The following TXLNB variants were observed in gnomAD, a reference collection of about 807,000 sequenced individuals.
TXLNB encodes the protein beta-taxilin.
Under a neutral mutation model 57.4 loss-of-function variants are expected in TXLNB, and 37 were observed. That is an observed-to-expected ratio of 0.64 (90% CI 0.50 to 0.85). The LOEUF is 0.85. TXLNB is among the 40% of genes least tolerant of loss of function. TXLNB has a pLI of 0.00. For missense variants in TXLNB, 848 were observed against 825.6 expected (o/e 1.03, Z -0.33); for synonymous variants, 302 against 309.6 (o/e 0.98, Z 0.26).
chr6:139,171,060 G>A, the TXLNB span, among the ~76,000 whole-genome samples: 53 of 152,240 alleles, frequency 3.5e-4, no homozygotes, highest in African/African-American at 1.2e-3. Flanking sequence ...CTGGTTTTGC[G>A]GGCAGAAGAT....
chr6:139,166,994 G>A, the TXLNB span: 1 of 1,614,222 alleles, frequency 6.2e-7, no homozygotes, highest in South Asian at 1.1e-5. Flanking sequence ...CAGCCCTGCG[G>A]GGTTGGCAGT....
At chr6:139,320,312 C>T in the TXLNB span, among the ~76,000 whole-genome samples, 1 of 152,146 alleles carries the variant, frequency 6.6e-6, no homozygotes, top group Non-Finnish European at 1.5e-5. Flanking sequence ...GAGCACTAAT[C>T]TATTCTTCCT....
At position 139,260,345 on chromosome 6, in the gene TXLNB, C is replaced by T; in HGVS notation, c.975G>A (p.Glu325=). The T allele has an allele frequency of 6.2e-7, 1 of 1,614,132 alleles. No homozygotes were observed. Residue 325 remains glutamate (E), a synonymous_variant, in exon 6 of 10, where the codon GAG becomes GAA. Transcript: ENST00000358430. The part of the protein sequence containing the change: ...EQAQEMMKEA[E]ERHKREKEYL... Reference sequence around the variant, plus strand: ...ATTCCTTTTCTCGTTTGTGTCGCTCCTCCGCTTCCTTCATCATTTCTTGGG... The same window carrying T: ...ATTCCTTTTCTCGTTTGTGTCGCTCTTCCGCTTCCTTCATCATTTCTTGGG...
downstream of TXLNB, among the ~76,000 whole-genome samples, chr6:139,235,759 C>A (rs1306692762): frequency 6.6e-6 from 1 of 152,090 alleles, no homozygotes; most frequent in Non-Finnish European, 1.5e-5. Context: ...CCAAATGCTG[C>A]ATTTTCCAAG....
At chr6:139,298,711 C>T in the TXLNB span, among the ~76,000 whole-genome samples, 1 of 152,098 alleles carries the variant, frequency 6.6e-6, no homozygotes, top group Admixed American at 6.6e-5. Flanking sequence ...AGTGATTGGT[C>T]CTGATTAAAG....
the TXLNB span, among the ~76,000 whole-genome samples, chr6:139,160,738 T>C: frequency 6.6e-6 from 1 of 152,218 alleles, no homozygotes; most frequent in Non-Finnish European, 1.5e-5. Context: ...TCTAAACACC[T>C]GTATGGCATG....
At chr6:139,295,994 G>A (rs2114665792), upstream of TXLNB, among the ~76,000 whole-genome samples, 1 of 151,992 alleles carries the variant, frequency 6.6e-6, no homozygotes, top group Non-Finnish European at 1.5e-5. Flanking sequence ...GTACTTTTTT[G>A]GAGATATGAT....
chr6:139,291,253 A>G (rs1233191174), intron 1 of TXLNB, among the ~76,000 whole-genome samples: 1 of 152,224 alleles, frequency 6.6e-6, no homozygotes, highest in Non-Finnish European at 1.5e-5. Context: ...TTTTCAGTCA[A>G]ATTGAAAACA....
chr6:139,260,395 G>C lies in TXLNB; in HGVS notation c.925C>G (p.Leu309Val). 1 of 1,614,056 alleles carries C rather than the reference G, an allele frequency of 6.2e-7. No homozygotes were observed. Among genetic ancestry groups the C allele is most frequent in the East Asian group, 2.2e-5 (1 of 44,882 alleles). Reference protein sequence around the residue: ...IFKHRELQQKLVDAKLEQAQE... With the variant: ...IFKHRELQQKVVDAKLEQAQE... The stretch of plus-strand genomic sequence containing the variant: ...GCCTGCTCAAGCTTTGCATCCACCA[G>C]CTTCTGCTGCAGTTCTCTGTGTTTA... The change falls in exon 6 of 10, where the codon CTG becomes GTG. Residue 309 changes from leucine (L) to valine (V), a missense_variant. By Grantham distance (32) the Leu-to-Val change is conservative. Transcript: ENST00000358430.
chr6:139,184,607 C>G, the TXLNB span, among the ~76,000 whole-genome samples: 1 of 82,240 alleles, frequency 1.2e-5, no homozygotes, highest in Non-Finnish European at 2.4e-5. Flanking sequence ...GTCTACACCA[C>G]GAATTCATCA....
the TXLNB span, among the ~76,000 whole-genome samples, chr6:139,319,497 T>C: frequency 6.6e-6 from 1 of 151,818 alleles, no homozygotes; most frequent in Non-Finnish European, 1.5e-5. Flanking sequence ...AGGAGCAATA[T>C]AAGGCTAGCT....
rs533103418 is a variant in TXLNB at position 139,257,468 on chromosome 6, A to G, written c.1003-1830T>C. Among the ~76,000 whole-genome samples, 5 of 152,338 alleles carry G rather than the reference A, an allele frequency of 3.3e-5. No homozygotes were observed. The South Asian group carries it at 1.0e-3, about 32-fold the overall frequency. ...CAAAAGCAAGTGCAATTGGAAAGAA[A>G]AGGTTTGTGCAAAGAGCTGATTCTT... On this transcript the variant is annotated intron_variant, in intron 6 of 9. Coordinates refer to ENST00000358430, the MANE Select transcript of TXLNB (RefSeq NM_153235.4).
intron 2 of TXLNB, among the ~76,000 whole-genome samples, chr6:139,284,545 A>C (rs1407134832): frequency 1.4e-5 from 2 of 145,234 alleles, no homozygotes; most frequent in Non-Finnish European, 3.1e-5. Flanking sequence ...AAAGTAAATA[A>C]ATAAAAATAA....
At chr6:139,212,688 T>A in the TXLNB span, among the ~76,000 whole-genome samples, 1 of 152,138 alleles carries the variant, frequency 6.6e-6, no homozygotes, top group Non-Finnish European at 1.5e-5. Flanking sequence ...ACTGGCAAAT[T>A]GGATAAAGAG....
At chr6:139,290,805 G>A (rs1158898982) in intron 1 of TXLNB, among the ~76,000 whole-genome samples, 2 of 152,180 alleles carry the variant, frequency 1.3e-5, no homozygotes, top group Non-Finnish European at 2.9e-5. Flanking sequence ...CACAGGTTTT[G>A]CTGTTGTGGT....
intron 5 of TXLNB, 41 bp downstream of exon 5, chr6:139,262,538 G>A (rs754577719): frequency 1.1e-5 from 17 of 1,494,612 alleles, no homozygotes; most frequent in Admixed American, 4.2e-5. Context: ...TCCCAGATCC[G>A]GATCTATGTA....
intron 5 of TXLNB, among the ~76,000 whole-genome samples, chr6:139,260,847 CT>C (rs1277364940): frequency 6.6e-6 from 1 of 152,198 alleles, no homozygotes; most frequent in Non-Finnish European, 1.5e-5. Context: ...TATAAAACCA[CT>C]TTTAATTGCA....
rs1775956462 is a variant in TXLNB at position 139,242,464 on chromosome 6, G to A, written c.*62C>T. ...CTAGCCCTTAATGCCTTTTTCGGAAGACAAGCTGTTATGCTGAATATGCAA... is the reference window on the plus strand; with the variant it reads ...CTAGCCCTTAATGCCTTTTTCGGAAAACAAGCTGTTATGCTGAATATGCAA... On this transcript the variant is annotated 3_prime_UTR_variant, in exon 10 of 10. Coordinates refer to ENST00000358430, the MANE Select transcript of TXLNB (RefSeq NM_153235.4). 1 of 1,378,690 alleles carries A rather than the reference G, an allele frequency of 7.3e-7. No individual in the cohort carries two copies. Among genetic ancestry groups the A allele is most frequent in the African/African-American group, 1.5e-5 (1 of 67,342 alleles). The allele number at this position is 1,378,690 out of a possible 1,614,324, so 85.4% of individuals were successfully genotyped here. A position where few individuals can be genotyped will look rare whatever the true frequency, so the allele number is the denominator to read the frequency against.
the TXLNB span, among the ~76,000 whole-genome samples, chr6:139,173,501 T>C: frequency 9.2e-4 from 140 of 152,316 alleles, 1 homozygote; most frequent in African/African-American, 3.2e-3. Flanking sequence ...ACCCATAGTC[T>C]GACTGATGGC....
Sources: allele counts gnomAD v4.1 joint callset (sites outside exome capture counted in the v4.1 genomes callset), GRCh38; gene constraint gnomAD v4.1.1; transcripts MANE v1.5; gene names NCBI Gene and HGNC (gene_info 2026-07-23, HGNC 2026-07-21).